The following BPIFB2 variants were observed in gnomAD, a reference collection of about 807,000 sequenced individuals.
BPIFB2 encodes BPI fold-containing family B member 2.
In BPIFB2, 39 loss-of-function variants were observed where a neutral mutation model predicts 50.1. That is an observed-to-expected ratio of 0.78 (90% CI 0.60 to 1.02). The LOEUF is 1.02. Ranked by LOEUF, BPIFB2 falls within the 50% of genes least tolerant of loss-of-function variation. The pLI is 0.00. For synonymous variants in BPIFB2, 280 were observed against 256.3 expected (o/e 1.09, Z -0.88); for missense variants, 574 against 585.8 (o/e 0.98, Z 0.21).
intron 4 of BPIFB2, among the ~76,000 whole-genome samples, chr20:33,013,544 A>G (rs573718051): frequency 6.6e-6 from 1 of 152,270 alleles, no homozygotes; most frequent in African/African-American, 2.4e-5. Flanking sequence ...TCAGCATGGT[A>G]AATGACTGGC....
rs549506723 is a variant in BPIFB2, at chr20:33,013,100, C to T, written c.308+193C>T. ...GAACATTTCTGAGAACCCTGCTCAA[C>T]AGCTCTGCAACTGGGCAGAGTCACT... On this transcript the variant is annotated intron_variant, in intron 4 of 15. Coordinates refer to ENST00000170150, the MANE Select transcript of BPIFB2 (RefSeq NM_025227.3). 1.2e-3 allele frequency among the ~76,000 whole-genome samples: 187 copies of T among 152,238 alleles called. 1 individual carries two copies. The highest frequency in any genetic ancestry group is 9.1e-3 in the South Asian group (44 of 4,812).
rs746264484 is a variant in BPIFB2 at position 33,018,276 on chromosome 20, C to T, written c.595C>T (p.Pro199Ser). Reference sequence around the variant, plus strand: ...TCATGAAGGCCTCAACCCCGTGGGTCCTGAGTCCCAGATCCGCTATTCCAT... The same window carrying T: ...TCATGAAGGCCTCAACCCCGTGGGTTCTGAGTCCCAGATCCGCTATTCCAT... ...GTLIGLNPVG[P>S]ESQIRYSMVS... is the part of the protein sequence containing the mutation. The change falls in exon 8 of 16, where the codon CCT (proline) becomes TCT (serine). Residue 199 changes from proline to serine, a missense_variant. Physicochemically the swap from Pro to Ser is moderately conservative, Grantham distance 74 (BLOSUM62 -1). Transcript: ENST00000170150. 1.9e-6 allele frequency: 3 copies of T among 1,613,852 alleles called. No individual in the cohort carries two copies. The highest frequency in any genetic ancestry group is 2.2e-5 in the South Asian group (2 of 91,048).
Position 33,008,646 on chromosome 20 carries a change from C to T in BPIFB2, c.72C>T (p.Gly24=), listed in dbSNP as rs1246342229. 1.2e-6 allele frequency: 2 copies of T among 1,607,356 alleles called. No homozygotes were observed. Among genetic ancestry groups the T allele is most frequent in the African/African-American group, 1.3e-5 (1 of 74,792 alleles). The change falls in exon 2 of 16, where the codon GGC becomes GGT. Residue 24 remains glycine, a synonymous_variant. Transcript: ENST00000170150. Reference sequence around the variant, plus strand: ...CCGTGGTCGGTGCCTCCACGCCAGGCACCGTGGTCCGACTCAACAAGGCAG... The same window carrying T: ...CCGTGGTCGGTGCCTCCACGCCAGGTACCGTGGTCCGACTCAACAAGGCAG... ...LLPVVGASTP[G]TVVRLNKAAL...
At position 33,021,748 on chromosome 20, in the gene BPIFB2, C is replaced by T. The variant is rs1978680851; in HGVS notation, c.1284C>T (p.Leu428=). The change falls in exon 15 of 16, where the codon CTC becomes CTT. Residue 428 remains leucine (L), a synonymous_variant. Transcript: ENST00000170150. ...LNALLAMGIA[L]PGVVNLHYVA... The stretch of plus-strand genomic sequence containing the variant: ...CTCTCTTGGCCATGGGAATTGCCCT[C>T]CCTGGTGTGGTCAACCTCCACTATG... 1 of 1,614,034 alleles carries T rather than the reference C, an allele frequency of 6.2e-7. No individual in the cohort carries two copies. Among genetic ancestry groups the T allele is most frequent in the Admixed American group, 1.7e-5 (1 of 60,014 alleles).
rs750355484 is a variant in BPIFB2 at position 33,012,832 on chromosome 20, G to A, written c.233G>A (p.Arg78His). The change falls in exon 4 of 16, where the codon CGC becomes CAC. Residue 78 changes from arginine to histidine, a missense_variant. Arg to His is a conservative substitution (Grantham distance 29, BLOSUM62 0). Coordinates refer to ENST00000170150, the MANE Select transcript of BPIFB2 (RefSeq NM_025227.3). ...CGGATTCTGAATGTCCATGTGCCCCGCCTCCACCTGAAATTCATTGCTGGT... is the reference window on the plus strand; with the variant it reads ...CGGATTCTGAATGTCCATGTGCCCCACCTCCACCTGAAATTCATTGCTGGT... ...RIRILNVHVP[R>H]LHLKFIAGFG... 9.3e-6 allele frequency: 15 copies of A among 1,613,850 alleles called. No individual in the cohort carries two copies. The highest frequency in any genetic ancestry group is 1.3e-5 in the African/African-American group (1 of 74,886).
At chr20:33,023,042 G>T (rs1449040505) in intron 15 of BPIFB2, among the ~76,000 whole-genome samples, 1 of 152,184 alleles carries the variant, frequency 6.6e-6, no homozygotes, top group Non-Finnish European at 1.5e-5. Flanking sequence ...GTTGGACTTG[G>T]AGAAGATGCT....
chr20:33,011,281 C>A (rs1189383998), intron 3 of BPIFB2, among the ~76,000 whole-genome samples, 164 bp downstream of exon 3: 1 of 152,230 alleles, frequency 6.6e-6, no homozygotes, highest in African/African-American at 2.4e-5. Flanking sequence ...GCACTCTCCA[C>A]TGAAGGTGAG....
chr20:33,022,402 T>C (rs1978708705), intron 15 of BPIFB2, among the ~76,000 whole-genome samples: 1 of 152,228 alleles, frequency 6.6e-6, no homozygotes, highest in African/African-American at 2.4e-5. Flanking sequence ...AGGATGCCCT[T>C]GTTCCTTAAG....
Position 33,017,465 on chromosome 20 carries a change from C to T in BPIFB2, c.577+363C>T, listed in dbSNP as rs75913073. Reference sequence around the variant, plus strand: ...TCATTCCAAAGACCAGCTCTTGCCTCGGCCTCCCAAAGTGCTGGGATCACA... The same window carrying T: ...TCATTCCAAAGACCAGCTCTTGCCTTGGCCTCCCAAAGTGCTGGGATCACA... On this transcript the variant is annotated intron_variant, in intron 7 of 15. Transcript: ENST00000170150. 5.3e-3 allele frequency among the ~76,000 whole-genome samples: 800 copies of T among 152,350 alleles called. 6 individuals are homozygous for T. Among genetic ancestry groups the T allele is most frequent in the African/African-American group, 0.019 (774 of 41,578 alleles).
chr20:33,023,473 C>T lies in BPIFB2; in HGVS notation c.*90C>T, dbSNP rs1400675334. On this transcript the variant is annotated 3_prime_UTR_variant, in exon 16 of 16. Coordinates refer to ENST00000170150, the MANE Select transcript of BPIFB2 (RefSeq NM_025227.3). ...GCCACTGGGGAAACTGAGGCAAAAC[C>T]ATACTTAGTCATCACCAACAAGCTG... 2.8e-6 allele frequency: 4 copies of T among 1,442,326 alleles called. No individual in the cohort carries two copies. The highest frequency in any genetic ancestry group is 2.9e-6 in the Non-Finnish European group (3 of 1,029,150). The allele number at this position is 1,442,326 out of a possible 1,614,324, so 89.3% of individuals were successfully genotyped here.
chr20:33,017,197 C>A (rs1978466163), intron 7 of BPIFB2, 95 bp downstream of exon 7: 1 of 1,180,938 alleles, frequency 8.5e-7, no homozygotes, highest in Non-Finnish European at 1.2e-6. Flanking sequence ...TCACGGTCGA[C>A]CTCTAGGAGA....
At chr20:33,021,450 G>T in intron 14 of BPIFB2, 106 bp downstream of exon 14, 2 of 1,292,666 alleles carry the variant, frequency 1.5e-6, no homozygotes, top group Non-Finnish European at 2.2e-6. Context: ...GGCTCACAGG[G>T]TGAGAGGGGG....
chr20:33,020,160 C>T (rs1001664858), intron 11 of BPIFB2, among the ~76,000 whole-genome samples, 168 bp from the exon 12 acceptor site: 3 of 152,250 alleles, frequency 2.0e-5, no homozygotes, highest in Non-Finnish European at 4.4e-5. Flanking sequence ...GCTGGTCTGC[C>T]TTGTTCACAC....
At chr20:33,008,184 C>T (rs1187023956) in intron 1 of BPIFB2, among the ~76,000 whole-genome samples, 1 of 152,208 alleles carries the variant, frequency 6.6e-6, no homozygotes, top group Non-Finnish European at 1.5e-5. Flanking sequence ...CAGTCCTGGG[C>T]ATCTTCTTGG....
intron 6 of BPIFB2, among the ~76,000 whole-genome samples, chr20:33,015,934 T>A (rs1404904664): frequency 6.6e-6 from 1 of 152,128 alleles, no homozygotes; most frequent in African/African-American, 2.4e-5. Context: ...ACAAAGCCCC[T>A]CCTCCGTGGG....
At chr20:33,012,928 G>T in intron 4 of BPIFB2, 21 bp downstream of exon 4, 3 of 1,588,236 alleles carry the variant, frequency 1.9e-6, no homozygotes, top group Non-Finnish European at 2.6e-6. Flanking sequence ...CTCCTTGTTA[G>T]GGGGTGAGAA....
chr20:33,008,457 G>A, intron 1 of BPIFB2, 84 bp from the exon 2 acceptor site: 2 of 732,488 alleles, frequency 2.7e-6, no homozygotes, highest in Non-Finnish European at 4.4e-6. Context: ...GTCAGGGCTT[G>A]TTCCCTCCAG....
chr20:33,018,488 A>T, intron 8 of BPIFB2, 138 bp downstream of exon 8: 1 of 1,289,636 alleles, frequency 7.8e-7, no homozygotes, highest in Non-Finnish European at 1.1e-6. Context: ...GGAGCATGCC[A>T]CACAGGCGAA....
chr20:33,019,765 G>T lies in BPIFB2; in HGVS notation c.1080+15G>T. 1 of 1,571,812 alleles carries T rather than the reference G, an allele frequency of 6.4e-7. No individual in the cohort carries two copies. Among genetic ancestry groups the T allele is most frequent in the Non-Finnish European group, 8.7e-7 (1 of 1,155,994 alleles). Reference sequence around the variant, plus strand: ...CCCTGGATGTGGTGAGTGCGGTGGGGCTGGTCGGAAGGCAGGCAACTGTCA... The same window carrying T: ...CCCTGGATGTGGTGAGTGCGGTGGGTCTGGTCGGAAGGCAGGCAACTGTCA... On this transcript the variant is annotated intron_variant, in intron 11 of 15. Coordinates refer to ENST00000170150, the MANE Select transcript of BPIFB2 (RefSeq NM_025227.3).
Sources: allele counts gnomAD v4.1 joint callset (sites outside exome capture counted in the v4.1 genomes callset), GRCh38; gene constraint gnomAD v4.1.1; transcripts MANE v1.5; gene names NCBI Gene and HGNC (gene_info 2026-07-23, HGNC 2026-07-21).